The following LINGO2 variants were observed in gnomAD, a reference collection of about 807,000 sequenced individuals.
LINGO2 encodes the protein leucine rich repeat and Ig domain containing 2, also known as leucine-rich repeat and immunoglobulin-like domain-containing nogo receptor-interacting protein 2.
Under a neutral mutation model 30.6 loss-of-function variants are expected in LINGO2, and 14 were observed. That is an observed-to-expected ratio of 0.46 (90% CI 0.30 to 0.72). The LOEUF (loss-of-function observed/expected upper bound fraction) is 0.72, where lower values mean the gene tolerates loss of function less well. Ranked by LOEUF, LINGO2 falls within the 30% of genes least tolerant of loss-of-function variation. The pLI, the probability that LINGO2 is intolerant of heterozygous loss-of-function variation, is 0.07. For missense variants in LINGO2, 729 were observed against 751.7 expected (o/e 0.97, Z 0.35); for synonymous variants, 317 against 288.5 (o/e 1.10, Z -1.00).
At chr9:28,617,396 C>T (rs1290480477) in intron 1 of LINGO2, among the ~76,000 whole-genome samples, 3 of 151,796 alleles carry the variant, frequency 2.0e-5, no homozygotes, top group Non-Finnish European at 2.9e-5. Context: ...CCCAGGTTCA[C>T]GCCATTCTCC....
chr9:28,941,710 A>G, the LINGO2 span, among the ~76,000 whole-genome samples: 32 of 152,118 alleles, frequency 2.1e-4, no homozygotes, highest in Non-Finnish European at 7.4e-5. Flanking sequence ...TCAAAAACAA[A>G]TTTTTGTGTG....
At chr9:28,313,808 A>G (rs1244469921) in intron 3 of LINGO2, among the ~76,000 whole-genome samples, 1 of 152,194 alleles carries the variant, frequency 6.6e-6, no homozygotes, top group Non-Finnish European at 1.5e-5. Flanking sequence ...TATCCACATT[A>G]TTAGTTAGTT....
intron 4 of LINGO2, among the ~76,000 whole-genome samples, chr9:28,271,272 C>A (rs34876456): frequency 1.3e-3 from 197 of 152,034 alleles, no homozygotes; most frequent in Middle Eastern, 3.4e-3. Context: ...ACTACCTTTA[C>A]ATATATTCAC....
intron 1 of LINGO2, among the ~76,000 whole-genome samples, chr9:28,558,002 G>C (rs1267484354): frequency 5.1e-5 from 6 of 117,882 alleles, no homozygotes; most frequent in Non-Finnish European, 8.6e-5. Context: ...GTGGTGGGGT[G>C]GGGGGAGGGG....
chr9:29,165,991 T>G, the LINGO2 span, among the ~76,000 whole-genome samples: 725 of 152,230 alleles, frequency 4.8e-3, 4 homozygotes, highest in South Asian at 0.028. Context: ...AGTGTATGTG[T>G]CTGTGTGTGT....
chr9:28,557,443 T>C (rs1822779217), intron 1 of LINGO2, among the ~76,000 whole-genome samples: 1 of 151,970 alleles, frequency 6.6e-6, no homozygotes, highest in Non-Finnish European at 1.5e-5. Context: ...AAAACCACAA[T>C]GAGATACCAT....
rs1822956455 is a variant in LINGO2 at position 28,271,988 on chromosome 9, T to C, written c.-87+23220A>G. Among the ~76,000 whole-genome samples, 6 of 152,202 alleles carry C rather than the reference T, an allele frequency of 3.9e-5. No homozygotes were observed. The South Asian group carries it at 1.0e-3, about 26-fold the overall frequency. On this transcript the variant is annotated intron_variant, in intron 4 of 5. Transcript: ENST00000379992. ...TCCAAAACACCTCATCGGAATCTGT[T>C]GTAAATGCTTGCCAAGCAGCAAGGG... is the stretch of plus-strand genomic sequence containing the variant.
chr9:28,976,408 G>A, the LINGO2 span, among the ~76,000 whole-genome samples: 2 of 152,062 alleles, frequency 1.3e-5, no homozygotes, highest in Admixed American at 6.6e-5. Flanking sequence ...GGAGAAAAGT[G>A]GATCTAAAAT....
intron 4 of LINGO2, among the ~76,000 whole-genome samples, chr9:28,288,355 A>G (rs1823594713): frequency 6.6e-6 from 1 of 152,102 alleles, no homozygotes; most frequent in Non-Finnish European, 1.5e-5. Flanking sequence ...TTTCCCATCC[A>G]TTAAAACCCA....
intron 4 of LINGO2, among the ~76,000 whole-genome samples, chr9:28,126,625 C>G (rs1203039770): frequency 6.6e-6 from 1 of 152,130 alleles, no homozygotes; most frequent in African/African-American, 2.4e-5. Flanking sequence ...AGGGGTCCCT[C>G]AAAGAAACAG....
intron 5 of LINGO2, among the ~76,000 whole-genome samples, chr9:28,010,467 TC>T: frequency 6.6e-6 from 1 of 152,078 alleles, no homozygotes; most frequent in South Asian, 2.1e-4. Flanking sequence ...TCCTTTTTGC[TC>T]TGAATAAAAT....
chr9:29,063,587 TG>T, the LINGO2 span, among the ~76,000 whole-genome samples: 3 of 151,728 alleles, frequency 2.0e-5, no homozygotes, highest in African/African-American at 7.3e-5. Context: ...TTCATAGAGA[TG>T]GGGGTTTCAC....
At chr9:28,910,427 T>C in the LINGO2 span, among the ~76,000 whole-genome samples, 1 of 152,020 alleles carries the variant, frequency 6.6e-6, no homozygotes, top group Non-Finnish European at 1.5e-5. Context: ...AGAAACATTG[T>C]TTCCTAGAAA....
the LINGO2 span, among the ~76,000 whole-genome samples, chr9:28,856,319 CA>C: frequency 2.6e-5 from 4 of 151,844 alleles, no homozygotes; most frequent in African/African-American, 9.7e-5. Context: ...TTCATGCTGA[CA>C]ATAAAAAGTG....
the LINGO2 span, among the ~76,000 whole-genome samples, chr9:28,875,756 A>T: frequency 6.6e-6 from 1 of 152,124 alleles, no homozygotes; most frequent in Admixed American, 6.6e-5. Context: ...TTTTGGCAAA[A>T]TAATTCCAGA....
At chr9:28,083,013 G>T (rs904310834) in intron 4 of LINGO2, among the ~76,000 whole-genome samples, 2 of 152,086 alleles carry the variant, frequency 1.3e-5, no homozygotes, top group Non-Finnish European at 2.9e-5. Flanking sequence ...CTCTGTCTTT[G>T]CACCAGTCCA....
chr9:28,366,092 T>A (rs1361965094), intron 3 of LINGO2, among the ~76,000 whole-genome samples: 3 of 152,190 alleles, frequency 2.0e-5, no homozygotes, highest in African/African-American at 7.2e-5. Context: ...TTTCACATTT[T>A]CCTTAGTACG....
chr9:28,888,644 C>T, the LINGO2 span, among the ~76,000 whole-genome samples: 62 of 152,162 alleles, frequency 4.1e-4, no homozygotes, highest in African/African-American at 1.5e-3. Flanking sequence ...AAGATAAGAT[C>T]AGGACTATTA....
chr9:28,943,914 T>C, the LINGO2 span, among the ~76,000 whole-genome samples: 3 of 152,174 alleles, frequency 2.0e-5, no homozygotes, highest in African/African-American at 7.2e-5. Flanking sequence ...AAAGGAACCA[T>C]AGTGTGCTAA....
Sources: allele counts gnomAD v4.1 joint callset (sites outside exome capture counted in the v4.1 genomes callset), GRCh38; gene constraint gnomAD v4.1.1; transcripts MANE v1.5; gene names NCBI Gene and HGNC (gene_info 2026-07-23, HGNC 2026-07-21).